The following MUC5AC variants were observed in gnomAD, a reference collection of about 807,000 sequenced individuals.
MUC5AC encodes the protein mucin-5AC.
MUC5AC carries 158 observed loss-of-function variants against 169.7 expected under a neutral mutation model. That is an observed-to-expected ratio of 0.93 (90% confidence interval 0.82 to 1.06). MUC5AC has a LOEUF of 1.06. Ranked by LOEUF, MUC5AC falls within the 50% of genes least tolerant of loss-of-function variation. The probability of loss-of-function intolerance (pLI) is 0.00; values close to 1 mark genes in which losing one functional copy is unlikely to be tolerated. For missense variants in MUC5AC, 4,359 were observed against 3,089.9 expected (o/e 1.41, Z -9.74); for synonymous variants, 1,975 against 1,237.0 (o/e 1.60, Z -12.52).
At chr11:1,172,660 G>T in intron 16 of MUC5AC, 137 bp downstream of exon 16, 1 of 397,560 alleles carries the variant, frequency 2.5e-6, no homozygotes, top group Non-Finnish European at 4.4e-6. Context: ...ACCAGGGGCT[G>T]GAACCCAGTC....
intron 10 of MUC5AC, 74 bp downstream of exon 10, chr11:1,165,493 C>G: frequency 6.3e-7 from 1 of 1,580,470 alleles, no homozygotes; most frequent in South Asian, 1.1e-5. Context: ...CAACCCAGGC[C>G]GGCAGGCTCC....
intron 2 of MUC5AC, among the ~76,000 whole-genome samples, chr11:1,161,201 C>A (rs1860131026): frequency 6.6e-6 from 1 of 152,222 alleles, no homozygotes; most frequent in Admixed American, 6.5e-5. Context: ...CAGGCCTAAT[C>A]TCAGCACCTG....
At chr11:1,176,749 CA>C (rs1860697381) in intron 21 of MUC5AC, 84 bp downstream of exon 21, 1 of 398,448 alleles carries the variant, frequency 2.5e-6, no homozygotes, top group Admixed American at 4.4e-5. Context: ...GCCCCCAGCA[CA>C]GGGGTCCCGG....
chr11:1,179,137 G>T lies in MUC5AC; in HGVS notation c.3373G>T (p.Ala1125Ser). ...YYEACVNDAC[A>S]CDSGGDCECF... ...CGAGGCCTGCGTGAACGACGCGTGC[G>T]CCTGCGACTCCGGGGGTGACTGCGA... Residue 1125 changes from alanine to serine, a missense_variant, in exon 26 of 49, where the codon GCC (alanine) becomes TCC (serine). By Grantham distance (99) the Ala-to-Ser change is moderately conservative. Transcript: ENST00000621226. 1.5e-6 allele frequency: 1 copy of T among 662,486 alleles called. No homozygotes were observed. The highest frequency in any genetic ancestry group is 1.6e-5 in the South Asian group (1 of 61,696). The allele number at this position is 662,486 out of a possible 1,614,324, so 41.0% of individuals were successfully genotyped here.
In MUC5AC at chr11:1,174,964, C is replaced by T. The variant is rs1480284190; in HGVS notation, c.2175C>T (p.Ser725=). The T allele has an allele frequency of 3.9e-5, 16 of 409,696 alleles. No homozygotes were observed. Among genetic ancestry groups the T allele is most frequent in the African/African-American group, 1.6e-4 (8 of 48,746 alleles). 25.4% of individuals were successfully genotyped at this position (409,696 alleles called of 1,614,324 possible). A position where few individuals can be genotyped will look rare whatever the true frequency, so the allele number is the denominator to read the frequency against. ...GCCAGCCCACCTGCCGCTCCCTGAG[C>T]GAGGGGGACATCACCTGCAGTGTTG... is the stretch of plus-strand genomic sequence containing the variant. ...STCQPTCRSL[S]EGDITCSVGF... The change falls in exon 18 of 49, where the codon AGC becomes AGT. Residue 725 remains serine, a synonymous_variant. Transcript: ENST00000621226.
In MUC5AC at chr11:1,196,384, A is replaced by G; in HGVS notation, c.15638-4A>G. On this transcript the variant is annotated splice_region_variant and splice_polypyrimidine_tract_variant and intron_variant, in intron 37 of 48. Transcript: ENST00000621226. ...CTCTCAGGTGTGGCTTCCCCTCCCC[A>G]CAGCATTCACCTGCCCAGCCGACAA... 2 of 764,658 alleles carry G rather than the reference A, an allele frequency of 2.6e-6. No homozygotes were observed. Among genetic ancestry groups the G allele is most frequent in the East Asian group, 2.4e-5 (1 of 41,232 alleles). The allele number at this position is 764,658 out of a possible 1,614,324, so 47.4% of individuals were successfully genotyped here.
intron 16 of MUC5AC, among the ~76,000 whole-genome samples, chr11:1,173,782 A>G (rs1435090073): frequency 2.4e-5 from 3 of 127,174 alleles, no homozygotes; most frequent in Non-Finnish European, 3.5e-5. Flanking sequence ...TCACTCATCC[A>G]CTCACTCGCT....
Position 1,199,728 on chromosome 11 carries a change from C to T in MUC5AC, c.16549C>T (p.Arg5517Cys), listed in dbSNP as rs745433176. ...EARMSKDGCC[R>C]FCPPPPPPYQ... ...CCGCATGAGCAAGGACGGCTGCTGCCGCTTCTGCCCGCCGCCCCCGCCCCC... is the reference window on the plus strand; with the variant it reads ...CCGCATGAGCAAGGACGGCTGCTGCTGCTTCTGCCCGCCGCCCCCGCCCCC... Residue 5517 changes from arginine to cysteine, a missense_variant, in exon 47 of 49, where the codon CGC becomes TGC. Transcript: ENST00000621226. 4 of 711,030 alleles carry T rather than the reference C, an allele frequency of 5.6e-6. No individual in the cohort carries two copies. Among genetic ancestry groups the T allele is most frequent in the South Asian group, 1.5e-5 (1 of 68,374 alleles). The allele number at this position is 711,030 out of a possible 1,614,324, so 44.0% of individuals were successfully genotyped here.
In MUC5AC at chr11:1,197,629, G is replaced by T; in HGVS notation, c.16023G>T (p.Gln5341His). The T allele has an allele frequency of 1.4e-6, 1 of 716,846 alleles. No homozygotes were observed. 44.4% of individuals were successfully genotyped at this position (716,846 alleles called of 1,614,324 possible). A position where few individuals can be genotyped will look rare whatever the true frequency, so the allele number is the denominator to read the frequency against. ...CACAGGCCGGCCAGTGCTGCCCCCAGTACAGCTGCGGTAAGCCCTTTGCTG... is the reference window on the plus strand; with the variant it reads ...CACAGGCCGGCCAGTGCTGCCCCCATTACAGCTGCGGTAAGCCCTTTGCTG... ...AAPQAGQCCP[Q>H]YSCACNTSRC... Residue 5341 changes from glutamine (Q) to histidine (H), a missense_variant, in exon 41 of 49, where the codon CAG (glutamine) becomes CAT (histidine). By Grantham distance (24) the Gln-to-His change is conservative. Coordinates refer to ENST00000621226, the MANE Select transcript of MUC5AC (RefSeq NM_001304359.2).
chr11:1,172,068 G>C (rs1860564811), intron 15 of MUC5AC, among the ~76,000 whole-genome samples: 1 of 152,270 alleles, frequency 6.6e-6, no homozygotes, highest in African/African-American at 2.4e-5. Flanking sequence ...TCTTCCTGCA[G>C]CCTGGGAAGC....
intron 19 of MUC5AC, among the ~76,000 whole-genome samples, chr11:1,175,753 C>T (rs1860662195): frequency 6.8e-6 from 1 of 146,222 alleles, no homozygotes; most frequent in East Asian, 2.1e-4. Flanking sequence ...GTCATGCACC[C>T]ACACTCATGC....
chr11:1,184,994 A>AACAACCTCTGCTCCTACAACCAGC lies in MUC5AC; in HGVS notation c.6872_6873insCACAACCTCTGCTCCTACAACCAG (p.Thr2290_Arg2291insSerThrThrSerAlaProThrThr). ...GCACAACCTCTGCTCCTACAGCCAGAACAACCTCTGCTCCTACAACCAGAA... is the reference window on the plus strand; with the variant it reads ...GCACAACCTCTGCTCCTACAGCCAGAACAACCTCTGCTCCTACAACCAGCACAACCTCTGCTCCTACAACCAGAA... On this transcript the variant is annotated inframe_insertion, in exon 31 of 49. Coordinates refer to ENST00000621226, the MANE Select transcript of MUC5AC (RefSeq NM_001304359.2). 5 of 375,604 alleles carry AACAACCTCTGCTCCTACAACCAGC rather than the reference A, an allele frequency of 1.3e-5. 2 individuals are homozygous for AACAACCTCTGCTCCTACAACCAGC. The highest frequency in any genetic ancestry group is 8.0e-5 in the Admixed American group (2 of 25,014). 23.3% of individuals were successfully genotyped at this position (375,604 alleles called of 1,614,324 possible).
Position 1,182,886 on chromosome 11 carries a change from C to A in MUC5AC, c.4741C>A (p.Leu1581Ile), listed in dbSNP as rs1860847421. 5.0e-6 allele frequency: 2 copies of A among 398,708 alleles called. No individual in the cohort carries two copies. Among genetic ancestry groups the A allele is most frequent in the African/African-American group, 4.1e-5 (2 of 48,754 alleles). 24.7% of individuals were successfully genotyped at this position (398,708 alleles called of 1,614,324 possible). A position where few individuals can be genotyped will look rare whatever the true frequency, so the allele number is the denominator to read the frequency against. Reference protein sequence around the residue: ...EPSTSSCLQELCTWTEWIDGS... With the variant: ...EPSTSSCLQEICTWTEWIDGS... ...CAGCACATCCTCCTGCCTGCAGGAGCTTTGCACCTGGACCGAGTGGATCGA... is the reference window on the plus strand; with the variant it reads ...CAGCACATCCTCCTGCCTGCAGGAGATTTGCACCTGGACCGAGTGGATCGA... Residue 1581 changes from leucine (L) to isoleucine (I), a missense_variant, in exon 31 of 49, where the codon CTT becomes ATT. Physicochemically the swap from Leu to Ile is conservative, Grantham distance 5 (BLOSUM62 2). Transcript: ENST00000621226.
chr11:1,187,540 C>T lies in MUC5AC; in HGVS notation c.9395C>T (p.Thr3132Ile). Residue 3132 changes from threonine (T) to isoleucine (I), a missense_variant, in exon 31 of 49, where the codon ACA becomes ATA. Transcript: ENST00000621226. The stretch of plus-strand genomic sequence containing the variant: ...CCCAGCCCTATTCCTACCACCAGCA[C>T]AACCTCTCCTCCTACAACCAGCACA... ...TTPSPIPTTS[T>I]TSPPTTSTTS... The T allele has an allele frequency of 4.0e-6, 3 of 751,324 alleles. No individual in the cohort carries two copies. The highest frequency in any genetic ancestry group is 2.3e-4 in the Middle Eastern group (1 of 4,420). The allele number at this position is 751,324 out of a possible 1,614,324, so 46.5% of individuals were successfully genotyped here. A position where few individuals can be genotyped will look rare whatever the true frequency, so the allele number is the denominator to read the frequency against.
In MUC5AC at chr11:1,190,436, A is replaced by T. The variant is rs1160850459; in HGVS notation, c.12291A>T (p.Thr4097=). ...SRTTTLVTTS[T]TSTPQTSTTS... ...CAACCACTTTGGTGACAACCAGCAC[A>T]ACCTCCACTCCACAGACCAGCACAA... The change falls in exon 31 of 49, where the codon ACA becomes ACT. Residue 4097 remains threonine (T), a synonymous_variant. Transcript: ENST00000621226. 4.4e-6 allele frequency: 3 copies of T among 680,098 alleles called. No homozygotes were observed. The highest frequency in any genetic ancestry group is 8.0e-6 in the Non-Finnish European group (3 of 373,998). The allele number at this position is 680,098 out of a possible 1,614,324, so 42.1% of individuals were successfully genotyped here.
rs1861034172 is a variant in MUC5AC at position 1,189,525 on chromosome 11, G to T, written c.11380G>T (p.Ala3794Ser). ...TSAPITSTIS[A>S]PTTSTTSTPQ... is the part of the protein sequence containing the mutation. ...TGCTCCCATAACCAGCACAATCTCT[G>T]CCCCTACAACCAGCACAACCTCCAC... The change falls in exon 31 of 49, where the codon GCC becomes TCC. Residue 3794 changes from alanine to serine, a missense_variant. Coordinates refer to ENST00000621226, the MANE Select transcript of MUC5AC (RefSeq NM_001304359.2). 3.4e-6 allele frequency: 2 copies of T among 592,212 alleles called. No individual in the cohort carries two copies. Among genetic ancestry groups the T allele is most frequent in the Non-Finnish European group, 3.0e-6 (1 of 333,982 alleles). 36.7% of individuals were successfully genotyped at this position (592,212 alleles called of 1,614,324 possible).
intron 12 of MUC5AC, 131 bp downstream of exon 12, chr11:1,168,118 T>C (rs1860388240): frequency 1.3e-6 from 1 of 788,424 alleles, no homozygotes; most frequent in Non-Finnish European, 2.1e-6. Context: ...CAACACTGGC[T>C]GTGTCCATTA....
chr11:1,191,017 C>T lies in MUC5AC; in HGVS notation c.12872C>T (p.Ser4291Phe). Residue 4291 changes from serine (S) to phenylalanine (F), a missense_variant, in exon 31 of 49, where the codon TCT (serine) becomes TTT (phenylalanine). Ser to Phe is a radical substitution (Grantham distance 155). Coordinates refer to ENST00000621226, the MANE Select transcript of MUC5AC (RefSeq NM_001304359.2). ...TTSAPTSSMT[S>F]GPGTTPSPVP... ...TCTGCTCCTACAAGCAGCATGACCT[C>T]TGGTCCTGGAACTACTCCCAGCCCT... is the stretch of plus-strand genomic sequence containing the variant. 2.6e-6 allele frequency: 2 copies of T among 756,580 alleles called. No individual in the cohort carries two copies. Among genetic ancestry groups the T allele is most frequent in the Non-Finnish European group, 4.8e-6 (2 of 414,562 alleles). The allele number at this position is 756,580 out of a possible 1,614,324, so 46.9% of individuals were successfully genotyped here.
chr11:1,200,376 CCGGCTTA>C (rs1196429892), intron 48 of MUC5AC, 55 bp from the exon 49 acceptor site: 1 of 628,926 alleles, frequency 1.6e-6, no homozygotes, highest in Non-Finnish European at 2.9e-6. Context: ...CGGCACGGCG[CCGGCTTA>C]CGGCAGGAGG....
Sources: gnomAD v4.1 joint callset for allele counts (sites outside exome capture counted in the v4.1 genomes callset) on GRCh38, gnomAD v4.1.1 for gene constraint, MANE v1.5 for transcripts, NCBI Gene and HGNC (gene_info 2026-07-23, HGNC 2026-07-21) for gene names.